The following GJB7 variants were observed in gnomAD, a reference collection of about 807,000 sequenced individuals.
The protein encoded by GJB7 is gap junction beta-7 protein.
For synonymous variants in GJB7, 87 were observed against 95.2 expected (o/e 0.91, Z 0.50); for missense variants, 253 against 256.8 (o/e 0.99, Z 0.10).
chr6:87,321,796 C>G (rs1562217738), intron 2 of GJB7, among the ~76,000 whole-genome samples: 1 of 152,098 alleles, frequency 6.6e-6, no homozygotes, highest in Non-Finnish European at 1.5e-5. Flanking sequence ...AGGAAACTTA[C>G]AATCATGGTG....
At chr6:87,309,145 TCA>T (rs1305903901) in intron 2 of GJB7, among the ~76,000 whole-genome samples, 5 of 152,184 alleles carry the variant, frequency 3.3e-5, no homozygotes, top group Non-Finnish European at 7.3e-5. Flanking sequence ...GTTGTTGCTG[TCA>T]CACTGATTCA....
intron 2 of GJB7, among the ~76,000 whole-genome samples, chr6:87,301,326 C>T (rs9342109): frequency 0.1 from 15,568 of 152,204 alleles, 845 homozygotes; most frequent in East Asian, 0.13. Context: ...GGGTCACTCC[C>T]AGCCTAATAC....
At chr6:87,301,713 G>C (rs1776330263) in intron 2 of GJB7, among the ~76,000 whole-genome samples, 1 of 152,226 alleles carries the variant, frequency 6.6e-6, no homozygotes, top group Admixed American at 6.5e-5. Context: ...TGAGATCTGA[G>C]AACGGACAGA....
chr6:87,324,291 A>G (rs1776761284), intron 1 of GJB7, among the ~76,000 whole-genome samples: 1 of 152,138 alleles, frequency 6.6e-6, no homozygotes, highest in African/African-American at 2.4e-5. Context: ...CTATTTGTCA[A>G]TTTTGGCTTT....
chr6:87,304,262 A>C (rs917075920), intron 2 of GJB7, among the ~76,000 whole-genome samples: 5 of 152,204 alleles, frequency 3.3e-5, no homozygotes, highest in African/African-American at 7.2e-5. Context: ...AAAGATCAAC[A>C]AAATTGATAG....
At chr6:87,303,663 C>A (rs1290082285) in intron 2 of GJB7, among the ~76,000 whole-genome samples, 1 of 152,176 alleles carries the variant, frequency 6.6e-6, no homozygotes, top group Non-Finnish European at 1.5e-5. Context: ...CTCAGCTCTG[C>A]ACCAAGCAGA....
chr6:87,316,515 A>C (rs948838696), intron 2 of GJB7, among the ~76,000 whole-genome samples: 1 of 152,052 alleles, frequency 6.6e-6, no homozygotes, highest in African/African-American at 2.4e-5. Flanking sequence ...AGAGTGTTCC[A>C]TCAGGAAGTG....
intron 2 of GJB7, among the ~76,000 whole-genome samples, chr6:87,316,273 G>T (rs1305368848): frequency 6.6e-6 from 1 of 152,138 alleles, no homozygotes; most frequent in Non-Finnish European, 1.5e-5. Context: ...GGATCCATGT[G>T]CCCAATCTCT....
chr6:87,327,793 T>C lies in GJB7; in HGVS notation c.-206+1345A>G, dbSNP rs377268871. 1.3e-4 allele frequency among the ~76,000 whole-genome samples: 19 copies of C among 148,060 alleles called. No individual in the cohort carries two copies. The East Asian group carries it at 1.8e-3, about 14-fold the overall frequency. Reference sequence around the variant, plus strand: ...GTTCTCTGTATTTCCTGAATCTGAATGTTGGCCTGCCTTGCTAGATTGGGG... The same window carrying C: ...GTTCTCTGTATTTCCTGAATCTGAACGTTGGCCTGCCTTGCTAGATTGGGG... On this transcript the variant is annotated intron_variant, in intron 1 of 2. Coordinates refer to ENST00000525899, the MANE Select transcript of GJB7 (RefSeq NM_198568.3).
At chr6:87,293,143 T>G (rs534877686) in intron 2 of GJB7, among the ~76,000 whole-genome samples, 1 of 152,372 alleles carries the variant, frequency 6.6e-6, no homozygotes, top group South Asian at 2.1e-4. Flanking sequence ...GCAATTCTCC[T>G]GACTCAGCTT....
At chr6:87,286,427 G>A (rs116184790) in intron 2 of GJB7, among the ~76,000 whole-genome samples, 182 of 152,154 alleles carry the variant, frequency 1.2e-3, no homozygotes, top group African/African-American at 4.2e-3. Context: ...TCCATCTCCA[G>A]GTCACTGCTG....
chr6:87,316,274 C>T (rs1261389756), intron 2 of GJB7, among the ~76,000 whole-genome samples: 2 of 152,274 alleles, frequency 1.3e-5, no homozygotes, highest in Non-Finnish European at 2.9e-5. Context: ...GATCCATGTG[C>T]CCAATCTCTG....
intron 1 of GJB7, among the ~76,000 whole-genome samples, chr6:87,327,457 CA>C: frequency 6.6e-6 from 1 of 152,100 alleles, no homozygotes; most frequent in Admixed American, 6.5e-5. Context: ...CTGCTGGTCA[CA>C]AAATCTCTCA....
intron 2 of GJB7, among the ~76,000 whole-genome samples, chr6:87,311,915 A>G (rs572351134): frequency 6.6e-6 from 1 of 152,298 alleles, no homozygotes; most frequent in East Asian, 1.9e-4. Flanking sequence ...AATATTAGAC[A>G]TCAATGGGAA....
chr6:87,311,271 A>G (rs1329118625), intron 2 of GJB7, among the ~76,000 whole-genome samples: 3 of 152,184 alleles, frequency 2.0e-5, no homozygotes, highest in African/African-American at 7.2e-5. Flanking sequence ...TATGGTTACC[A>G]ATGACTTAGC....
chr6:87,328,506 C>A (rs1289282055), intron 1 of GJB7, among the ~76,000 whole-genome samples: 1 of 151,722 alleles, frequency 6.6e-6, no homozygotes, highest in Non-Finnish European at 1.5e-5. Context: ...TTGGAGTACC[C>A]GGCCGTGTGA....
At chr6:87,305,189 GA>G (rs1222607928) in intron 2 of GJB7, among the ~76,000 whole-genome samples, 6 of 152,108 alleles carry the variant, frequency 3.9e-5, no homozygotes, top group Non-Finnish European at 5.9e-5. Context: ...AATCAGGCAG[GA>G]GAAAGAAATA....
chr6:87,287,912 A>T (rs114526712), intron 2 of GJB7, among the ~76,000 whole-genome samples: 14 of 151,960 alleles, frequency 9.2e-5, no homozygotes, highest in South Asian at 6.2e-4. Flanking sequence ...TTTTAAAAAA[A>T]TTTTTTTTCA....
intron 2 of GJB7, among the ~76,000 whole-genome samples, chr6:87,305,015 T>G (rs986867319): frequency 7.9e-5 from 12 of 152,094 alleles, no homozygotes; most frequent in South Asian, 4.1e-4. Flanking sequence ...AGGTATTGAT[T>G]GGACGTATCT....
Sources: allele counts gnomAD v4.1 joint callset (sites outside exome capture counted in the v4.1 genomes callset), GRCh38; gene constraint gnomAD v4.1.1; transcripts MANE v1.5; gene names NCBI Gene and HGNC (gene_info 2026-07-23, HGNC 2026-07-21).